The following STAU1 variants were observed in gnomAD, a reference collection of about 807,000 sequenced individuals.
The protein encoded by STAU1 is double-stranded RNA-binding protein Staufen homolog 1.
STAU1 carries 13 observed loss-of-function variants against 62.9 expected under a neutral mutation model. That is an observed-to-expected ratio of 0.21 (90% CI 0.13 to 0.33). The LOEUF is 0.33. Ranked by LOEUF, STAU1 falls within the 10% of genes least tolerant of loss-of-function variation. STAU1 has a pLI of 1.00. For missense variants in STAU1, 571 were observed against 712.1 expected (o/e 0.80, Z 2.25); for synonymous variants, 269 against 265.1 (o/e 1.01, Z -0.14).
chr20:49,154,946 C>T (rs2093333433), intron 3 of STAU1, among the ~76,000 whole-genome samples: 1 of 152,120 alleles, frequency 6.6e-6, no homozygotes, highest in Non-Finnish European at 1.5e-5. Context: ...ATTAGCCAGG[C>T]ATGGTGGCGC....
At chr20:49,165,885 C>A in intron 3 of STAU1, 112 bp downstream of exon 3, 1 of 1,071,384 alleles carries the variant, frequency 9.3e-7, no homozygotes, top group Non-Finnish European at 1.4e-6. Flanking sequence ...GTGATACTTT[C>A]TTTTGCTTTT....
At chr20:49,141,202 A>T (rs938622711) in intron 5 of STAU1, among the ~76,000 whole-genome samples, 2 of 152,208 alleles carry the variant, frequency 1.3e-5, no homozygotes. Flanking sequence ...ACATACAGAA[A>T]AGTACAGATA....
intron 4 of STAU1, among the ~76,000 whole-genome samples, chr20:49,153,482 GATC>G (rs1421403650): frequency 1.3e-5 from 2 of 150,698 alleles, no homozygotes; most frequent in East Asian, 3.9e-4. Flanking sequence ...AAGGTGGGCA[GATC>G]ATCTGAGGTC....
intron 3 of STAU1, among the ~76,000 whole-genome samples, chr20:49,156,038 T>C (rs6122758): frequency 0.12 from 18,456 of 152,232 alleles, 1,360 homozygotes; most frequent in South Asian, 0.18. Flanking sequence ...CTGAATGGGC[T>C]CCTTGTCTGA....
intron 3 of STAU1, among the ~76,000 whole-genome samples, chr20:49,155,122 GA>G (rs2093337678): frequency 1.3e-5 from 2 of 151,714 alleles, no homozygotes; most frequent in Non-Finnish European, 2.9e-5. Flanking sequence ...TGCCCCAGAG[GA>G]GTTCAAAAAA....
At chr20:49,187,205 C>T (rs370624472) in intron 1 of STAU1, among the ~76,000 whole-genome samples, 1 of 152,128 alleles carries the variant, frequency 6.6e-6, no homozygotes, top group African/African-American at 2.4e-5. Context: ...CAAGAAGAAG[C>T]TGGATGATGG....
intron 3 of STAU1, among the ~76,000 whole-genome samples, chr20:49,157,501 G>C (rs1346230414): frequency 6.7e-6 from 1 of 149,644 alleles, no homozygotes; most frequent in African/African-American, 2.5e-5. Context: ...TTATTTTTTT[G>C]AGACAGTCTT....
chr20:49,162,632 C>T lies in STAU1; in HGVS notation c.205+3365G>A, dbSNP rs374845865. ...TACTAAAAATACCAAAAAAATTAGC[C>T]GGGCATGGTGGCGGGCGCCTGTAGT... is the stretch of plus-strand genomic sequence containing the variant. On this transcript the variant is annotated intron_variant, in intron 3 of 13. Coordinates refer to ENST00000371856, the MANE Select transcript of STAU1 (RefSeq NM_017453.4). 4.6e-5 allele frequency among the ~76,000 whole-genome samples: 7 copies of T among 150,866 alleles called. No individual in the cohort carries two copies. In the East Asian group the frequency reaches 8.0e-4, roughly 17 times the overall value.
chr20:49,175,955 C>T (rs1035428408), intron 1 of STAU1, among the ~76,000 whole-genome samples: 2 of 151,944 alleles, frequency 1.3e-5, no homozygotes, highest in Admixed American at 6.6e-5. Context: ...CCACCTCGCC[C>T]GGCTAATTTT....
In STAU1 at chr20:49,183,615, T is replaced by C. The variant is rs73909799; in HGVS notation, c.-160+4501A>G. ...CACAAACTGAGACTACCTTGTGGTATTGGGGAGAGAGACTGGATGAAGCAG... is the reference window on the plus strand; with the variant it reads ...CACAAACTGAGACTACCTTGTGGTACTGGGGAGAGAGACTGGATGAAGCAG... On this transcript the variant is annotated intron_variant, in intron 1 of 13. Coordinates refer to ENST00000371856, the MANE Select transcript of STAU1 (RefSeq NM_017453.4). Among the ~76,000 whole-genome samples the C allele has an allele frequency of 7.2e-3, 1,095 of 152,314 alleles. 14 individuals carry two copies. The highest frequency in any genetic ancestry group is 0.025 in the African/African-American group (1,038 of 41,558).
chr20:49,205,706 C>T, the STAU1 span, among the ~76,000 whole-genome samples: 2 of 148,920 alleles, frequency 1.3e-5, no homozygotes, highest in Non-Finnish European at 3.0e-5. Flanking sequence ...GAGTTTTGCT[C>T]TTGTTGCCCA....
chr20:49,162,270 T>G (rs1175633900), intron 3 of STAU1, among the ~76,000 whole-genome samples: 1 of 152,206 alleles, frequency 6.6e-6, no homozygotes, highest in Non-Finnish European at 1.5e-5. Context: ...GACACCAGAA[T>G]TCATTAGAAG....
At chr20:49,153,886 A>G (rs1351022521) in intron 4 of STAU1, 47 bp downstream of exon 4, 1 of 1,524,216 alleles carries the variant, frequency 6.6e-7, no homozygotes, top group South Asian at 1.3e-5. Flanking sequence ...AAGATCAGAC[A>G]CGTTTTCTCC....
the STAU1 span, among the ~76,000 whole-genome samples, chr20:49,212,635 G>GTTTTTTTTTTTT: frequency 3.0e-3 from 13 of 4,322 alleles, no homozygotes; most frequent in Non-Finnish European, 4.4e-3. Context: ...TTTAGGCAGA[G>GTTTTTTTTTTTT]TTTTGCTCTT....
chr20:49,157,454 C>T (rs1285593932), intron 3 of STAU1, among the ~76,000 whole-genome samples: 1 of 151,972 alleles, frequency 6.6e-6, no homozygotes, highest in African/African-American at 2.4e-5. Flanking sequence ...GCTGGGACTA[C>T]AGGCACACAC....
chr20:49,219,285 A>G, the STAU1 span: 1 of 1,465,588 alleles, frequency 6.8e-7, no homozygotes, highest in African/African-American at 1.4e-5. Flanking sequence ...ACCACGCCCC[A>G]TATTGCCGCA....
At chr20:49,187,201 G>C (rs867911727) in intron 1 of STAU1, among the ~76,000 whole-genome samples, 23 of 152,300 alleles carry the variant, frequency 1.5e-4, no homozygotes, top group South Asian at 4.1e-4. Flanking sequence ...ATGACAAGAA[G>C]AAGCTGGATG....
chr20:49,181,766 C>A (rs2754243), intron 1 of STAU1, among the ~76,000 whole-genome samples: 16,007 of 24,640 alleles, frequency 0.65, 5,394 homozygotes, highest in African/African-American at 0.76. Context: ...ACTATCTCAA[C>A]AAAAAAAAAA....
chr20:49,191,072 G>C (rs1236720376), upstream of STAU1, among the ~76,000 whole-genome samples: 2 of 150,988 alleles, frequency 1.3e-5, no homozygotes, highest in Admixed American at 1.3e-4. Flanking sequence ...CAGTCACCCA[G>C]GCTAAAGTGC....
Sources: gnomAD v4.1 joint callset for allele counts (sites outside exome capture counted in the v4.1 genomes callset) on GRCh38, gnomAD v4.1.1 for gene constraint, MANE v1.5 for transcripts, NCBI Gene and HGNC (gene_info 2026-07-23, HGNC 2026-07-21) for gene names.